The following CFAP54 variants were observed in gnomAD, a reference collection of about 807,000 sequenced individuals.
CFAP54 encodes cilia and flagella associated protein 54, also known as cilia- and flagella-associated protein 54.
In CFAP54, 290 loss-of-function variants were observed where a neutral mutation model predicts 370.4. The ratio of observed to expected loss-of-function variants is 0.78; its 90% confidence interval spans 0.71 to 0.86. The LOEUF is 0.86. Ranked by LOEUF, CFAP54 falls within the 40% of genes least tolerant of loss-of-function variation. The pLI is 0.00. For missense variants in CFAP54, 3,399 were observed against 3,528.7 expected (o/e 0.96, Z 0.93); for synonymous variants, 1,206 against 1,236.5 (o/e 0.98, Z 0.52).
intron 66 of CFAP54, among the ~76,000 whole-genome samples, chr12:96,859,695 A>G (rs1422771462): frequency 6.6e-6 from 1 of 152,008 alleles, no homozygotes; most frequent in Non-Finnish European, 1.5e-5. Context: ...GTGAGCCACC[A>G]CACCTGACCC....
In CFAP54 at chr12:96,685,172, A is replaced by T; in HGVS notation, c.5948A>T (p.Glu1983Val). The change falls in exon 42 of 68, where the codon GAG (glutamate) becomes GTG (valine). Residue 1983 changes from glutamate to valine, a missense_variant. This residue lies in a region of CFAP54 where 2,796 missense variants were observed against 2,869.7 expected (regional missense o/e 0.97). Coordinates refer to ENST00000524981, the MANE Select transcript of CFAP54 (RefSeq NM_001306084.2). Reference protein sequence around the residue: ...SPPGFKDYSEEFLSRVGIWGC... With the variant: ...SPPGFKDYSEVFLSRVGIWGC... ...CCGGGTTTCAAAGACTACAGTGAGG[A>T]GTTTCTGTCAAGAGTTGGCATCTGG... 6.2e-7 allele frequency: 1 copy of T among 1,614,088 alleles called. No individual in the cohort carries two copies.
chr12:96,633,609 G>A lies in CFAP54; in HGVS notation c.4316+2958G>A, dbSNP rs138971239. 5.5e-3 allele frequency among the ~76,000 whole-genome samples: 838 copies of A among 152,262 alleles called. 5 individuals carry two copies. The highest frequency in any genetic ancestry group is 8.7e-3 in the Non-Finnish European group (590 of 68,010). ...AGTCACCCAAGTTGTGTGTATCCAC[G>A]AGTTCACTTATTATTGCTTAGTAGT... On this transcript the variant is annotated intron_variant, in intron 32 of 67. Coordinates refer to ENST00000524981, the MANE Select transcript of CFAP54 (RefSeq NM_001306084.2).
At chr12:96,562,250 T>C (rs1032297723) in intron 17 of CFAP54, among the ~76,000 whole-genome samples, 1 of 152,166 alleles carries the variant, frequency 6.6e-6, no homozygotes, top group Non-Finnish European at 1.5e-5. Context: ...CTTTCAAAAT[T>C]ATTAAACCAA....
At chr12:96,591,510 A>T (rs1956123949) in intron 23 of CFAP54, among the ~76,000 whole-genome samples, 1 of 152,152 alleles carries the variant, frequency 6.6e-6, no homozygotes, top group Non-Finnish European at 1.5e-5. Context: ...AGACTGAAGA[A>T]GAAAATGTAG....
rs1956491676 is a variant in CFAP54, at chr12:96,621,716, G to A, written c.3766G>A (p.Glu1256Lys). Residue 1256 changes from glutamate to lysine, a missense_variant, in exon 27 of 68, where the codon GAG becomes AAG. Physicochemically the swap from Glu to Lys is moderately conservative, Grantham distance 56 (BLOSUM62 1). This residue lies in a region of CFAP54 where 2,796 missense variants were observed against 2,869.7 expected (regional missense o/e 0.97). Coordinates refer to ENST00000524981, the MANE Select transcript of CFAP54 (RefSeq NM_001306084.2). The stretch of plus-strand genomic sequence containing the variant: ...TAGTAATGAACAAGAAGAAATGCCA[G>A]AGGAGGTAATTGTTTTTGTTTCTCA... ...DGSNEQEEMPEEDSSKKSLKT... is the reference protein window; with the variant it reads ...DGSNEQEEMPKEDSSKKSLKT... 6.6e-7 allele frequency: 1 copy of A among 1,523,178 alleles called. No homozygotes were observed. 94.4% of individuals were successfully genotyped at this position (1,523,178 alleles called of 1,614,324 possible).
At chr12:96,574,069 C>T (rs1000044297) in intron 19 of CFAP54, among the ~76,000 whole-genome samples, 2 of 152,206 alleles carry the variant, frequency 1.3e-5, no homozygotes, top group East Asian at 1.9e-4. Context: ...ATCTCAATTT[C>T]GACCAGGCTT....
At chr12:96,768,446 A>T (rs1254620729) in intron 60 of CFAP54, among the ~76,000 whole-genome samples, 1 of 152,208 alleles carries the variant, frequency 6.6e-6, no homozygotes, top group Non-Finnish European at 1.5e-5. Context: ...TGAGGCCAGG[A>T]GTTCAAGACC....
At chr12:96,814,117 C>A (rs940636243) in intron 64 of CFAP54, among the ~76,000 whole-genome samples, 2 of 152,154 alleles carry the variant, frequency 1.3e-5, no homozygotes, top group African/African-American at 4.8e-5. Context: ...GTTCTGGACA[C>A]TCATGTACAA....
At chr12:96,513,781 G>A (rs1263604031) in intron 5 of CFAP54, among the ~76,000 whole-genome samples, 1 of 151,982 alleles carries the variant, frequency 6.6e-6, no homozygotes, top group East Asian at 1.9e-4. Context: ...AAGGTGTCCT[G>A]GTTTGGATGA....
chr12:96,658,335 T>C lies in CFAP54; in HGVS notation c.5449T>C (p.Tyr1817His). ...ACCTTGTGCAAGGTATGAGGCTGAA[T>C]ATGGAGAGAAGGTAAGTTTAAGTTA... ...QQPCARYEAEYGEKITCRNFI... is the reference protein window; with the variant it reads ...QQPCARYEAEHGEKITCRNFI... The change falls in exon 38 of 68, where the codon TAT becomes CAT. Residue 1817 changes from tyrosine (Y) to histidine (H), a missense_variant. By Grantham distance (83) the Tyr-to-His change is moderately conservative. Transcript: ENST00000524981. 6.2e-7 allele frequency: 1 copy of C among 1,614,030 alleles called. No individual in the cohort carries two copies. Among genetic ancestry groups the C allele is most frequent in the Non-Finnish European group, 8.5e-7 (1 of 1,179,962 alleles).
At position 96,539,082 on chromosome 12, in the gene CFAP54, T is replaced by G. The variant is rs938740557; in HGVS notation, c.1926+564T>G. 2.8e-5 allele frequency among the ~76,000 whole-genome samples: 4 copies of G among 143,024 alleles called. No individual in the cohort carries two copies. The East Asian group carries it at 6.2e-4, about 22-fold the overall frequency. The allele number at this position is 143,024 out of a possible 152,430, so 93.8% of individuals were successfully genotyped here. A position where few individuals can be genotyped will look rare whatever the true frequency, so the allele number is the denominator to read the frequency against. On this transcript the variant is annotated intron_variant, in intron 13 of 67. Coordinates refer to ENST00000524981, the MANE Select transcript of CFAP54 (RefSeq NM_001306084.2). ...TTTTCAGGTTTTTTTTTTTTTGTTT[T>G]TGTTTTTGAGATGGAGTCTTGCTCT...
chr12:96,655,772 T>C (rs1449694031), intron 36 of CFAP54, among the ~76,000 whole-genome samples: 1 of 152,114 alleles, frequency 6.6e-6, no homozygotes, highest in East Asian at 1.9e-4. Flanking sequence ...TTAATCTAAC[T>C]AACACATACA....
At chr12:96,662,094 A>G (rs1264972337) in intron 38 of CFAP54, among the ~76,000 whole-genome samples, 1 of 152,190 alleles carries the variant, frequency 6.6e-6, no homozygotes, top group Admixed American at 6.5e-5. Context: ...TAATTACTAT[A>G]GAATGCACCT....
At chr12:96,559,439 TC>T (rs1955792731) in intron 17 of CFAP54, among the ~76,000 whole-genome samples, 2 of 152,238 alleles carry the variant, frequency 1.3e-5, no homozygotes, top group South Asian at 4.1e-4. Context: ...GGTAAACTGT[TC>T]CCTCCAACTT....
At chr12:96,495,253 C>CT (rs992834695) in intron 1 of CFAP54, among the ~76,000 whole-genome samples, 3 of 50,128 alleles carry the variant, frequency 6.0e-5, no homozygotes, top group African/African-American at 1.8e-4. Context: ...TCCTTCCTTC[C>CT]TTCCTTCCTT....
At chr12:96,593,583 A>G (rs1956147530) in intron 24 of CFAP54, among the ~76,000 whole-genome samples, 1 of 152,136 alleles carries the variant, frequency 6.6e-6, no homozygotes. Flanking sequence ...ACAATTTTCA[A>G]GTACTTCAGT....
At chr12:96,781,811 T>C (rs1362610) in intron 60 of CFAP54, among the ~76,000 whole-genome samples, 4,130 of 152,218 alleles carry the variant, frequency 0.027, 193 homozygotes, top group African/African-American at 0.092. Flanking sequence ...AGTCACTAGA[T>C]ATATTTTCTA....
chr12:96,692,401 GTT>G (rs5800267), intron 44 of CFAP54, among the ~76,000 whole-genome samples: 2 of 151,320 alleles, frequency 1.3e-5, no homozygotes, highest in African/African-American at 2.4e-5. Flanking sequence ...AAGAAATGAG[GTT>G]TTTTTTTTCT....
intron 60 of CFAP54, among the ~76,000 whole-genome samples, chr12:96,765,876 C>A (rs1315976299): frequency 6.6e-6 from 1 of 152,184 alleles, no homozygotes; most frequent in Non-Finnish European, 1.5e-5. Context: ...TAACTGGTAA[C>A]AGGCATTTAA....
Sources: gnomAD v4.1 joint callset for allele counts (sites outside exome capture counted in the v4.1 genomes callset) on GRCh38, gnomAD v4.1.1 for gene constraint, gnomAD v4.1.1 regional missense constraint, MANE v1.5 for transcripts, NCBI Gene and HGNC (gene_info 2026-07-23, HGNC 2026-07-21) for gene names.